PTPRD: variants seen among roughly 807,000 people sequenced by gnomAD.
PTPRD encodes protein tyrosine phosphatase receptor type D.
In PTPRD, 34 loss-of-function variants were observed where a neutral mutation model predicts 214.5. The observed-to-expected ratio is 0.16, with a 90% CI of 0.12 to 0.21. The LOEUF is 0.21. Ranked by LOEUF, PTPRD falls within the 10% of genes least tolerant of loss-of-function variation. The pLI, the probability that PTPRD is intolerant of heterozygous loss-of-function variation, is 1.00. For synonymous variants in PTPRD, 1,128 were observed against 845.7 expected (o/e 1.33, Z -5.79); for missense variants, 2,545 against 2,398.7 (o/e 1.06, Z -1.27).
intron 2 of PTPRD, among the ~76,000 whole-genome samples, chr9:10,611,122 G>T (rs954720597): frequency 6.6e-6 from 1 of 151,858 alleles, no homozygotes; most frequent in African/African-American, 2.4e-5. Flanking sequence ...AACTTATAAG[G>T]GGTTTTTATT....
At chr9:9,634,243 A>G (rs1223312473) in intron 7 of PTPRD, among the ~76,000 whole-genome samples, 1 of 152,164 alleles carries the variant, frequency 6.6e-6, no homozygotes, top group Non-Finnish European at 1.5e-5. Context: ...TGAAATTACT[A>G]TAAACATTAA....
At chr9:8,832,069 A>T (rs2097303604) in intron 11 of PTPRD, among the ~76,000 whole-genome samples, 1 of 151,684 alleles carries the variant, frequency 6.6e-6, no homozygotes, top group African/African-American at 2.4e-5. Flanking sequence ...CACTGAATGC[A>T]AACAGTAGCC....
chr9:9,169,162 T>C (rs1305817006), intron 10 of PTPRD, among the ~76,000 whole-genome samples: 1 of 152,066 alleles, frequency 6.6e-6, no homozygotes, highest in Non-Finnish European at 1.5e-5. Flanking sequence ...TTATAGAGCC[T>C]CTTTTTGGCT....
intron 14 of PTPRD, among the ~76,000 whole-genome samples, chr9:8,531,755 G>A (rs987026994): frequency 3.3e-5 from 5 of 152,068 alleles, no homozygotes; most frequent in African/African-American, 9.7e-5. Flanking sequence ...CGGAAGAACT[G>A]AGCCAATATT....
chr9:9,823,852 A>T (rs2051670033), intron 5 of PTPRD, among the ~76,000 whole-genome samples: 1 of 152,090 alleles, frequency 6.6e-6, no homozygotes, highest in Non-Finnish European at 1.5e-5. Flanking sequence ...TTTCAAAATA[A>T]TTAGAGGAGC....
chr9:9,132,071 G>C (rs528242688), intron 10 of PTPRD, among the ~76,000 whole-genome samples: 1 of 152,020 alleles, frequency 6.6e-6, no homozygotes, highest in African/African-American at 2.4e-5. Flanking sequence ...GCAGTGGCAC[G>C]ATCTAGGCTC....
chr9:9,540,453 G>A (rs943459087), intron 8 of PTPRD, among the ~76,000 whole-genome samples: 10 of 151,858 alleles, frequency 6.6e-5, no homozygotes, highest in South Asian at 6.2e-4. Context: ...GTACAGTAAT[G>A]AAGTCTATGA....
At chr9:8,435,202 C>T (rs867433444) in intron 35 of PTPRD, among the ~76,000 whole-genome samples, 2 of 152,138 alleles carry the variant, frequency 1.3e-5, no homozygotes, top group African/African-American at 4.8e-5. Context: ...AAATAATGAA[C>T]ATTTGAATAT....
Position 8,715,120 on chromosome 9 carries a change from C to T in PTPRD, c.64+18660G>A, listed in dbSNP as rs1368979. 2.0e-5 allele frequency among the ~76,000 whole-genome samples: 3 copies of T among 151,086 alleles called. No homozygotes were observed. The South Asian group carries it at 6.2e-4, about 31-fold the overall frequency. On this transcript the variant is annotated intron_variant, in intron 12 of 45. Transcript: ENST00000381196. ...ATCTGTGAGTTAAAATGTGAATGCA[C>T]AAAAGATCTATGAAAAAAAAAAATA...
intron 10 of PTPRD, among the ~76,000 whole-genome samples, chr9:9,122,788 A>C (rs2099818833): frequency 6.6e-6 from 1 of 152,218 alleles, no homozygotes; most frequent in Admixed American, 6.5e-5. Context: ...TGCATGGAGT[A>C]ACGTGCAAGG....
chr9:8,400,205 C>T (rs956240354), intron 36 of PTPRD, among the ~76,000 whole-genome samples: 5 of 152,164 alleles, frequency 3.3e-5, no homozygotes, highest in Non-Finnish European at 5.9e-5. Flanking sequence ...AGAACAACAA[C>T]CTCTTTTTTA....
intron 9 of PTPRD, among the ~76,000 whole-genome samples, chr9:9,270,776 G>T (rs929535156): frequency 6.6e-6 from 1 of 151,330 alleles, no homozygotes. Flanking sequence ...TTTAGATGAT[G>T]GTGTTTGGTC....
chr9:10,053,450 GA>G (rs1238769475), intron 3 of PTPRD, among the ~76,000 whole-genome samples: 1 of 152,070 alleles, frequency 6.6e-6, no homozygotes, highest in African/African-American at 2.4e-5. Context: ...ATTTCATGAG[GA>G]ACGTGAAATG....
intron 26 of PTPRD, among the ~76,000 whole-genome samples, chr9:8,494,061 G>C (rs1223328490): frequency 1.3e-5 from 2 of 151,464 alleles, no homozygotes; most frequent in Non-Finnish European, 2.9e-5. Context: ...AACCCTTTCA[G>C]ATTTTTGGCA....
chr9:9,238,379 A>C (rs1308197412), intron 9 of PTPRD, among the ~76,000 whole-genome samples: 1 of 152,104 alleles, frequency 6.6e-6, no homozygotes, highest in Admixed American at 6.6e-5. Flanking sequence ...ACAGCAGTTC[A>C]TTAAGTAATT....
At chr9:10,139,648 G>A (rs901494207) in intron 3 of PTPRD, among the ~76,000 whole-genome samples, 2 of 151,936 alleles carry the variant, frequency 1.3e-5, no homozygotes, top group African/African-American at 4.8e-5. Context: ...GGACTACAAG[G>A]GTACAGGAAC....
At chr9:9,317,549 T>C (rs1963944836) in intron 9 of PTPRD, among the ~76,000 whole-genome samples, 2 of 152,068 alleles carry the variant, frequency 1.3e-5, no homozygotes, top group Non-Finnish European at 2.9e-5. Context: ...GTCATTGCTA[T>C]TGCGTCTATG....
chr9:10,535,999 G>A (rs775059108), intron 2 of PTPRD, among the ~76,000 whole-genome samples: 14 of 152,232 alleles, frequency 9.2e-5, no homozygotes, highest in African/African-American at 1.4e-4. Flanking sequence ...AATAATAACC[G>A]TGAAGAGGGT....
intron 11 of PTPRD, among the ~76,000 whole-genome samples, chr9:8,746,342 T>C (rs2092804247): frequency 1.3e-5 from 2 of 152,142 alleles, no homozygotes; most frequent in African/African-American, 4.8e-5. Context: ...AGTGATTTGA[T>C]AATAAAGTAC....
Sources: allele counts gnomAD v4.1 joint callset (sites outside exome capture counted in the v4.1 genomes callset), GRCh38; gene constraint gnomAD v4.1.1; transcripts MANE v1.5; gene names NCBI Gene and HGNC (gene_info 2026-07-23, HGNC 2026-07-21).